The following PATJ variants were observed in gnomAD, a reference collection of about 807,000 sequenced individuals.
PATJ encodes PATJ crumbs cell polarity complex component.
Under a neutral mutation model 224.9 loss-of-function variants are expected in PATJ, and 190 were observed. The observed-to-expected ratio is 0.84, with a 90% CI of 0.75 to 0.95. The LOEUF is 0.95. PATJ is among the 40% of genes least tolerant of loss of function. The pLI, the probability that PATJ is intolerant of heterozygous loss-of-function variation, is 0.00. For missense variants in PATJ, 2,121 were observed against 2,270.3 expected, an observed-to-expected ratio of 0.93 and a Z score of 1.34; for synonymous variants, 769 against 820.3, an observed-to-expected ratio of 0.94 and a Z score of 1.07.
At chr1:61,815,980 G>A (rs932566774) in intron 14 of PATJ, among the ~76,000 whole-genome samples, 2 of 152,126 alleles carry the variant, frequency 1.3e-5, no homozygotes, top group African/African-American at 4.8e-5. Context: ...CTTTCTGCTG[G>A]CCATCAATTG....
At chr1:61,842,636 C>T (rs1661286099) in intron 17 of PATJ, among the ~76,000 whole-genome samples, 1 of 151,894 alleles carries the variant, frequency 6.6e-6, no homozygotes, top group Non-Finnish European at 1.5e-5. Context: ...CATAAAGGTG[C>T]TCAGATTTAC....
chr1:61,788,650 T>TTTTG (rs937318952), intron 8 of PATJ, among the ~76,000 whole-genome samples: 4 of 151,912 alleles, frequency 2.6e-5, no homozygotes, highest in South Asian at 2.1e-4. Flanking sequence ...GAAATAAGTT[T>TTTTG]TTTGTTTGTT....
At chr1:61,816,064 C>CA (rs1345550300) in intron 14 of PATJ, among the ~76,000 whole-genome samples, 1 of 152,028 alleles carries the variant, frequency 6.6e-6, no homozygotes, top group African/African-American at 2.4e-5. Flanking sequence ...CTGGTTTTGA[C>CA]AAAAAAAGTT....
intron 28 of PATJ, chr1:62,013,609 G>A (rs548421148): frequency 5.0e-5 from 33 of 662,408 alleles, no homozygotes; most frequent in Admixed American, 6.3e-5. Context: ...ATAAGTGCAA[G>A]AAGAGAAATT....
chr1:61,883,462 A>C (rs1668366791), intron 21 of PATJ, among the ~76,000 whole-genome samples: 3 of 152,190 alleles, frequency 2.0e-5, no homozygotes, highest in Admixed American at 2.0e-4. Flanking sequence ...TAAATGAACA[A>C]GTATAGGCCA....
intron 29 of PATJ, among the ~76,000 whole-genome samples, chr1:62,020,872 C>A (rs1173117836): frequency 6.6e-6 from 1 of 152,170 alleles, no homozygotes; most frequent in Non-Finnish European, 1.5e-5. Flanking sequence ...GTCACCCAGG[C>A]TGGAGTGCAG....
chr1:62,148,713 TA>T (rs1668327741), intron 42 of PATJ, among the ~76,000 whole-genome samples: 1 of 152,168 alleles, frequency 6.6e-6, no homozygotes, highest in African/African-American at 2.4e-5. Context: ...ACTTCTAGGC[TA>T]AAATCTTGTT....
At chr1:62,026,462 T>TTGTGTGTGTGTGTGTG (rs200824830) in intron 29 of PATJ, among the ~76,000 whole-genome samples, 4 of 123,488 alleles carry the variant, frequency 3.2e-5, no homozygotes, top group African/African-American at 1.3e-4. Context: ...TATTCAACAT[T>TTGTGTGTGTGTGTGTG]TGTGTGTGTG....
chr1:62,080,762 T>C (rs1380403090), intron 32 of PATJ, among the ~76,000 whole-genome samples: 2 of 150,852 alleles, frequency 1.3e-5, no homozygotes, highest in African/African-American at 4.8e-5. Flanking sequence ...GCCTTTTATA[T>C]ATTTTTTCAT....
chr1:62,023,368 C>T (rs1051050932), intron 29 of PATJ, among the ~76,000 whole-genome samples: 2 of 151,876 alleles, frequency 1.3e-5, no homozygotes, highest in African/African-American at 4.8e-5. Flanking sequence ...AGAATGCATG[C>T]ATAAGCATGA....
chr1:61,973,596 C>T (rs1008556539), intron 27 of PATJ, among the ~76,000 whole-genome samples: 2 of 151,868 alleles, frequency 1.3e-5, no homozygotes, highest in African/African-American at 2.4e-5. Flanking sequence ...TGATGTGGTG[C>T]GGAGCTCTTG....
At chr1:61,951,150 C>G (rs991317051) in intron 27 of PATJ, among the ~76,000 whole-genome samples, 1 of 150,264 alleles carries the variant, frequency 6.7e-6, no homozygotes, top group South Asian at 2.1e-4. Flanking sequence ...AAGCGCACCT[C>G]TGCACTTCAG....
chr1:61,813,366 TATATATATATATACAC>T (rs774697032), intron 14 of PATJ, among the ~76,000 whole-genome samples: 1,277 of 55,690 alleles, frequency 0.023, 12 homozygotes, highest in South Asian at 0.042. Flanking sequence ...TATATATATA[TATATATATATATACAC>T]ACACACACAC....
At chr1:61,747,356 G>A (rs867485785) in intron 1 of PATJ, among the ~76,000 whole-genome samples, 1 of 151,838 alleles carries the variant, frequency 6.6e-6, no homozygotes. Context: ...TTTTGTGTTC[G>A]TACAGCTGTC....
At chr1:62,064,596 T>C (rs1046506076) in intron 31 of PATJ, among the ~76,000 whole-genome samples, 1 of 152,222 alleles carries the variant, frequency 6.6e-6, no homozygotes, top group Non-Finnish European at 1.5e-5. Flanking sequence ...CCTCCCAAAG[T>C]GCTGGGTGGC....
At chr1:62,096,363 C>T (rs1198836611) in intron 33 of PATJ, among the ~76,000 whole-genome samples, 1 of 152,024 alleles carries the variant, frequency 6.6e-6, no homozygotes, top group Non-Finnish European at 1.5e-5. Context: ...ATATGGAATC[C>T]ATGATCAGTG....
chr1:61,990,142 T>C (rs757051063), intron 27 of PATJ, 26 bp from the exon 28 acceptor site: 1 of 1,508,688 alleles, frequency 6.6e-7, no homozygotes, highest in South Asian at 1.2e-5. Flanking sequence ...CTACTCTATT[T>C]AATTTTAAAA....
At chr1:61,755,889 C>A (rs764923227) in intron 1 of PATJ, among the ~76,000 whole-genome samples, 2 of 152,090 alleles carry the variant, frequency 1.3e-5, no homozygotes, top group Non-Finnish European at 2.9e-5. Flanking sequence ...GCAATCTCTG[C>A]CTCCTGGGTT....
At chr1:62,131,800 A>G (rs972220401) in intron 41 of PATJ, among the ~76,000 whole-genome samples, 17 of 152,186 alleles carry the variant, frequency 1.1e-4, no homozygotes, top group Non-Finnish European at 1.9e-4. Context: ...TAAGTAAATA[A>G]TAACATTATT....
Sources: gnomAD v4.1 joint callset for allele counts (sites outside exome capture counted in the v4.1 genomes callset) on GRCh38, gnomAD v4.1.1 for gene constraint, MANE v1.5 for transcripts, NCBI Gene and HGNC (gene_info 2026-07-23, HGNC 2026-07-21) for gene names.